Variants in TSC1 observed in about 807,000 individuals in gnomAD.
TSC1 encodes hamartin.
Under a neutral mutation model 124.3 loss-of-function variants are expected in TSC1, and 20 were observed. That is an observed-to-expected ratio of 0.16 (90% CI 0.11 to 0.23). The LOEUF is 0.23. Among genes scored for constraint, TSC1 ranks in the 10% least tolerant of loss-of-function variants. TSC1 has a pLI of 1.00. For synonymous variants in TSC1, 493 were observed against 539.1 expected, an observed-to-expected ratio of 0.91 and a Z score of 1.19; for missense variants, 1,124 against 1,448.5, an observed-to-expected ratio of 0.78 and a Z score of 3.64.
rs1588308884 is a variant in TSC1 at position 132,905,734 on chromosome 9, G to A, written c.1844C>T (p.Thr615Ile). ...DHLFEVALPKTAHHFVIRKTE... is the reference protein window; with the variant it reads ...DHLFEVALPKIAHHFVIRKTE... Reference sequence around the variant, plus strand: ...CTTCCTGATGACAAAATGATGGGCTGTCTTTGGCAATGCCACCTCAAAAAG... The same window carrying A: ...CTTCCTGATGACAAAATGATGGGCTATCTTTGGCAATGCCACCTCAAAAAG... The change falls in exon 15 of 23, where the codon ACA becomes ATA. Residue 615 changes from threonine (T) to isoleucine (I), a missense_variant. Coordinates refer to ENST00000298552, the MANE Select transcript of TSC1 (RefSeq NM_000368.5). 4 of 1,614,180 alleles carry A rather than the reference G, an allele frequency of 2.5e-6. No individual in the cohort carries two copies. The highest frequency in any genetic ancestry group is 3.4e-6 in the Non-Finnish European group (4 of 1,180,038).
chr9:132,915,593 T>C (rs1846235857), intron 8 of TSC1, among the ~76,000 whole-genome samples: 1 of 152,208 alleles, frequency 6.6e-6, no homozygotes, highest in Non-Finnish European at 1.5e-5. Flanking sequence ...ACAACATAAC[T>C]TTGCTCTATG....
At chr9:132,925,302 G>A (rs1220036270) in intron 5 of TSC1, among the ~76,000 whole-genome samples, 1 of 152,158 alleles carries the variant, frequency 6.6e-6, no homozygotes, top group Non-Finnish European at 1.5e-5. Context: ...AATGAGGGAA[G>A]GCTAAACGAT....
chr9:132,919,371 G>C (rs190848172), intron 8 of TSC1, among the ~76,000 whole-genome samples: 37 of 152,282 alleles, frequency 2.4e-4, no homozygotes, highest in African/African-American at 8.4e-4. Flanking sequence ...CTTCCAGCTT[G>C]AACAATGAGA....
chr9:132,926,614 T>C (rs146264882), intron 4 of TSC1: 1 of 155,654 alleles, frequency 6.4e-6, no homozygotes, highest in East Asian at 1.9e-4. Flanking sequence ...GGTTGAAAGA[T>C]GGGTACCTAT....
At chr9:132,925,546 C>G in intron 5 of TSC1, 41 bp downstream of exon 5, 1 of 1,613,088 alleles carries the variant, frequency 6.2e-7, no homozygotes, top group Non-Finnish European at 8.5e-7. Flanking sequence ...AGAAACTATA[C>G]TCATAAAACC....
intron 8 of TSC1, 196 bp from the exon 9 acceptor site, chr9:132,912,653 A>C: frequency 3.2e-6 from 2 of 624,938 alleles, no homozygotes; most frequent in East Asian, 2.8e-5. Flanking sequence ...CCCTGTTTAA[A>C]ATGGTTATAT....
chr9:132,911,625 T>TAAAAAAA (rs11364856), intron 9 of TSC1, 57 bp from the exon 10 acceptor site: 12 of 169,182 alleles, frequency 7.1e-5, no homozygotes, highest in African/African-American at 5.4e-4. Flanking sequence ...TTATTCTGGT[T>TAAAAAAA]AAAAAAAAAA....
rs397514824 is a variant in TSC1 at position 132,912,477 on chromosome 9, T to C, written c.738-20A>G. ...TTCCACCTGTAAAATGCAATGAAAGTCAAGAAATGCAAACTGTAATCAACT... is the reference window on the plus strand; with the variant it reads ...TTCCACCTGTAAAATGCAATGAAAGCCAAGAAATGCAAACTGTAATCAACT... On this transcript the variant is annotated intron_variant, in intron 8 of 22. Transcript: ENST00000298552. 1.7e-5 allele frequency: 28 copies of C among 1,613,802 alleles called. No individual in the cohort carries two copies. Among genetic ancestry groups the C allele is most frequent in the Non-Finnish European group, 1.6e-5 (19 of 1,179,968 alleles).
intron 1 of TSC1, among the ~76,000 whole-genome samples, chr9:132,938,121 T>C (rs1156679438): frequency 2.0e-5 from 3 of 152,264 alleles, no homozygotes; most frequent in African/African-American, 4.8e-5. Context: ...TATGTTGGTA[T>C]GTCAAAGGCT....
intron 1 of TSC1, chr9:132,944,009 G>A (rs898417598): frequency 2.6e-5 from 4 of 152,508 alleles, no homozygotes; most frequent in Admixed American, 2.6e-4. Flanking sequence ...TACACCCAGA[G>A]CGAGTCATGC....
chr9:132,922,867 T>C (rs1187524599), intron 6 of TSC1, among the ~76,000 whole-genome samples: 1 of 151,564 alleles, frequency 6.6e-6, no homozygotes, highest in South Asian at 2.1e-4. Flanking sequence ...TACCTGCCGA[T>C]AGGGGAAAAA....
chr9:132,945,376 A>T (rs1184801222), upstream of TSC1: 1 of 152,440 alleles, frequency 6.6e-6, no homozygotes, highest in East Asian at 1.9e-4. Flanking sequence ...AGAACGCCTT[A>T]TTCCGTTTCC....
At position 132,896,899 on chromosome 9, in the gene TSC1, C is replaced by G; in HGVS notation, c.2976-145G>C. ...TTTTATAATACTGGACTCAAGAGAT[C>G]TCATCAAGAGAAACCTAAATCACAA... is the stretch of plus-strand genomic sequence containing the variant. On this transcript the variant is annotated intron_variant, in intron 22 of 22. Coordinates refer to ENST00000298552, the MANE Select transcript of TSC1 (RefSeq NM_000368.5). The surrounding 1 kb of genome is among the most constrained non-coding windows in gnomAD (Gnocchi z 4.5). The G allele has an allele frequency of 1.5e-6, 2 of 1,371,204 alleles. No individual in the cohort carries two copies. Among genetic ancestry groups the G allele is most frequent in the Non-Finnish European group, 2.1e-6 (2 of 974,228 alleles). The allele number at this position is 1,371,204 out of a possible 1,614,324, so 84.9% of individuals were successfully genotyped here.
chr9:132,911,378 A>G, intron 10 of TSC1, 75 bp downstream of exon 10: 1 of 1,183,098 alleles, frequency 8.5e-7, no homozygotes, highest in Non-Finnish European at 1.3e-6. Context: ...TCCCAACCAC[A>G]TACTAAATCT....
At position 132,892,723 on chromosome 9, in the gene TSC1, C is replaced by G. The variant is rs1461780317; in HGVS notation, c.*3512G>C. The G allele has an allele frequency of 4.3e-6, 1 of 233,328 alleles. No homozygotes were observed. The highest frequency in any genetic ancestry group is 8.5e-6 in the Non-Finnish European group (1 of 118,072). 14.5% of individuals were successfully genotyped at this position (233,328 alleles called of 1,614,324 possible). ...TTCCTTCTTCAAGTGGTATGCTCTACTATTTGGTAGAAATTCACATTGGCT... is the reference window on the plus strand; with the variant it reads ...TTCCTTCTTCAAGTGGTATGCTCTAGTATTTGGTAGAAATTCACATTGGCT... On this transcript the variant is annotated 3_prime_UTR_variant, in exon 23 of 23. Transcript: ENST00000298552.
intron 1 of TSC1, among the ~76,000 whole-genome samples, chr9:132,937,986 G>A (rs1847550793): frequency 6.6e-6 from 1 of 152,110 alleles, no homozygotes; most frequent in African/African-American, 2.4e-5. Context: ...ATAGTGCTGG[G>A]GTTACAGGCG....
Position 132,907,326 on chromosome 9 carries a change from G to T in TSC1, c.1308C>A (p.His436Gln), listed in dbSNP as rs2131879996. ...CTGATCCTCTGTCATTCAGAAGATG[G>T]TGTTGTCTGTGTAGACATGGTCTTG... ...DSARPCLHRQ[H>Q]HLLNDRGSEE... The change falls in exon 13 of 23, where the codon CAC (histidine) becomes CAA (glutamine). Residue 436 changes from histidine to glutamine, a missense_variant. Around this residue, in one of 5 missense-constraint regions of TSC1, gnomAD observed 463 missense variants for 606.8 expected, o/e 0.76. Transcript: ENST00000298552. 6.2e-7 allele frequency: 1 copy of T among 1,614,166 alleles called. No individual in the cohort carries two copies. Among genetic ancestry groups the T allele is most frequent in the Non-Finnish European group, 8.5e-7 (1 of 1,179,998 alleles).
intron 15 of TSC1, among the ~76,000 whole-genome samples, chr9:132,905,232 T>A (rs1845589317): frequency 6.6e-6 from 1 of 152,176 alleles, no homozygotes; most frequent in South Asian, 2.1e-4. Context: ...GTGACAAATA[T>A]TCTTATATTC....
intron 6 of TSC1, among the ~76,000 whole-genome samples, chr9:132,922,247 C>G (rs1846609363): frequency 6.6e-6 from 1 of 152,184 alleles, no homozygotes; most frequent in Non-Finnish European, 1.5e-5. Context: ...AACTTCTGCC[C>G]TCCTCTTCAG....
Sources: allele counts gnomAD v4.1 joint callset (sites outside exome capture counted in the v4.1 genomes callset), GRCh38; gene constraint gnomAD v4.1.1; regional missense constraint gnomAD v4.1.1; non-coding constraint Gnocchi (gnomAD v3.1); transcripts MANE v1.5; gene names NCBI Gene and HGNC (gene_info 2026-07-23, HGNC 2026-07-21).